Variants in CSMD1 observed in about 807,000 individuals in gnomAD.
The protein encoded by CSMD1 is CUB and sushi domain-containing protein 1.
Under a neutral mutation model 417.5 loss-of-function variants are expected in CSMD1, and 213 were observed. That is an observed-to-expected ratio of 0.51 (90% CI 0.46 to 0.57). The LOEUF (loss-of-function observed/expected upper bound fraction) is 0.57. Ranked by LOEUF, CSMD1 falls within the 20% of genes least tolerant of loss-of-function variation. The probability of loss-of-function intolerance (pLI) is 0.00; values close to 1 mark genes in which losing one functional copy is unlikely to be tolerated. For synonymous variants in CSMD1, 2,862 were observed against 1,736.8 expected, an observed-to-expected ratio of 1.65 and a Z score of -16.11; for missense variants, 6,923 against 4,529.7, an observed-to-expected ratio of 1.53 and a Z score of -15.17.
intron 1 of CSMD1, among the ~76,000 whole-genome samples, chr8:4,810,822 G>A (rs1041271663): frequency 1.3e-5 from 2 of 152,072 alleles, no homozygotes; most frequent in Non-Finnish European, 2.9e-5. Flanking sequence ...GAACGAAGAC[G>A]AGAACTTTAT....
At chr8:3,624,158 C>T (rs777507980) in intron 7 of CSMD1, among the ~76,000 whole-genome samples, 1 of 152,092 alleles carries the variant, frequency 6.6e-6, no homozygotes, top group Non-Finnish European at 1.5e-5. Flanking sequence ...ATACACTGAG[C>T]ATCCAAAAGA....
At chr8:4,920,841 CGAAAGAAAAGAAAAG>C (rs1806388826) in intron 1 of CSMD1, among the ~76,000 whole-genome samples, 1 of 70,354 alleles carries the variant, frequency 1.4e-5, no homozygotes, top group Non-Finnish European at 2.6e-5. Context: ...AAAAAGAGAA[CGAAAGAAAAGAAAAG>C]AAAAGAAAAG....
At chr8:3,778,069 G>A (rs370832486) in intron 5 of CSMD1, among the ~76,000 whole-genome samples, 3 of 152,338 alleles carry the variant, frequency 2.0e-5, no homozygotes, top group African/African-American at 4.8e-5. Context: ...TCCCTCCAGG[G>A]GAAACTGGAG....
At chr8:4,875,934 T>C (rs1479612224) in intron 1 of CSMD1, among the ~76,000 whole-genome samples, 1 of 152,112 alleles carries the variant, frequency 6.6e-6, no homozygotes, top group Non-Finnish European at 1.5e-5. Context: ...ATTTAAAGAA[T>C]TTTCTTCATT....
intron 7 of CSMD1, among the ~76,000 whole-genome samples, chr8:3,633,646 T>C (rs1173649415): frequency 2.6e-5 from 4 of 152,230 alleles, no homozygotes; most frequent in African/African-American, 9.7e-5. Flanking sequence ...GTTAATGACA[T>C]ATTTTTCAAT....
intron 5 of CSMD1, among the ~76,000 whole-genome samples, chr8:3,963,196 T>C (rs1000827171): frequency 4.6e-5 from 7 of 152,170 alleles, no homozygotes; most frequent in Admixed American, 2.6e-4. Context: ...CCTCCCAAAG[T>C]GCTGGGATCA....
chr8:3,984,996 G>C (rs1048356166), intron 5 of CSMD1, among the ~76,000 whole-genome samples: 1 of 151,958 alleles, frequency 6.6e-6, no homozygotes, highest in East Asian at 1.9e-4. Context: ...TCCGATACTG[G>C]GAAAATCACG....
At chr8:4,420,165 T>A in intron 2 of CSMD1, 100 bp from the exon 3 acceptor site, 1 of 709,032 alleles carries the variant, frequency 1.4e-6, no homozygotes, top group Non-Finnish European at 2.4e-6. Context: ...AGTGGTATAT[T>A]CACTTGAAAT....
intron 3 of CSMD1, among the ~76,000 whole-genome samples, chr8:4,141,782 A>G (rs549304800): frequency 6.6e-6 from 1 of 151,222 alleles, no homozygotes; most frequent in South Asian, 2.1e-4. Flanking sequence ...CAGAAGTGAA[A>G]CATATTGTGA....
At chr8:3,582,484 A>C (rs1402880765) in intron 9 of CSMD1, among the ~76,000 whole-genome samples, 1 of 152,160 alleles carries the variant, frequency 6.6e-6, no homozygotes, top group Non-Finnish European at 1.5e-5. Flanking sequence ...GGCACAACTC[A>C]CTGGGCTCAT....
intron 7 of CSMD1, among the ~76,000 whole-genome samples, chr8:3,667,893 T>C (rs1034044823): frequency 1.2e-4 from 19 of 152,090 alleles, no homozygotes; most frequent in East Asian, 1.9e-4. Context: ...CAAGGCCAGA[T>C]CATCAAAGAC....
intron 5 of CSMD1, among the ~76,000 whole-genome samples, chr8:3,787,005 C>G (rs1196023012): frequency 1.3e-5 from 2 of 152,120 alleles, no homozygotes. Flanking sequence ...AGCTGAGGGT[C>G]AGGATCTGAA....
intron 1 of CSMD1, among the ~76,000 whole-genome samples, chr8:4,968,152 T>C (rs1002182727): frequency 2.0e-5 from 3 of 152,150 alleles, no homozygotes; most frequent in African/African-American, 7.2e-5. Flanking sequence ...AAAATACAAA[T>C]GCCATACTTC....
At chr8:4,350,382 T>C (rs1372717255) in intron 3 of CSMD1, among the ~76,000 whole-genome samples, 2 of 152,148 alleles carry the variant, frequency 1.3e-5, no homozygotes, top group African/African-American at 2.4e-5. Flanking sequence ...AATAGTGTTA[T>C]AAATGAAATG....
At chr8:4,337,485 C>T (rs1189948649) in intron 3 of CSMD1, among the ~76,000 whole-genome samples, 1 of 152,064 alleles carries the variant, frequency 6.6e-6, no homozygotes, top group African/African-American at 2.4e-5. Flanking sequence ...CTCTGCTTTG[C>T]TTTTTCTTAT....
At chr8:4,291,036 C>T (rs1585169530) in intron 3 of CSMD1, among the ~76,000 whole-genome samples, 3 of 152,010 alleles carry the variant, frequency 2.0e-5, no homozygotes, top group Admixed American at 1.3e-4. Flanking sequence ...CTTCTTTGTA[C>T]CCTAGTGTAA....
rs1407899491 is a variant in CSMD1 at position 3,106,660 on chromosome 8, C to G, written c.6836-19G>C. 1 of 1,514,810 alleles carries G rather than the reference C, an allele frequency of 6.6e-7. No homozygotes were observed. Among genetic ancestry groups the G allele is most frequent in the Non-Finnish European group, 9.2e-7 (1 of 1,092,432 alleles). The allele number at this position is 1,514,810 out of a possible 1,614,324, so 93.8% of individuals were successfully genotyped here. On this transcript the variant is annotated intron_variant, in intron 45 of 69. Coordinates refer to ENST00000635120, the MANE Select transcript of CSMD1 (RefSeq NM_033225.6). The stretch of plus-strand genomic sequence containing the variant: ...AAATCTCCTAGAAGAGTCAATGCAA[C>G]AAACCAGGAAATTGTGTGTGACCTT...
intron 54 of CSMD1, among the ~76,000 whole-genome samples, chr8:2,995,953 T>C (rs529464384): frequency 1.3e-5 from 2 of 152,270 alleles, no homozygotes; most frequent in African/African-American, 4.8e-5. Context: ...ATTCTAGTGA[T>C]AATGGACATT....
chr8:4,136,064 G>C (rs1714799), intron 3 of CSMD1, among the ~76,000 whole-genome samples: 3 of 151,872 alleles, frequency 2.0e-5, no homozygotes, highest in East Asian at 1.9e-4. Context: ...CACTTGGCAA[G>C]AGAAAAAAAA....
Sources: gnomAD v4.1 joint callset for allele counts (sites outside exome capture counted in the v4.1 genomes callset) on GRCh38, gnomAD v4.1.1 for gene constraint, MANE v1.5 for transcripts, NCBI Gene and HGNC (gene_info 2026-07-23, HGNC 2026-07-21) for gene names.